The following ANAPC10 variants were observed in gnomAD, a reference collection of about 807,000 sequenced individuals.
The protein encoded by ANAPC10 is anaphase-promoting complex subunit 10.
A neutral mutation model predicts 22.0 loss-of-function variants in ANAPC10; 12 were observed. The observed-to-expected ratio is 0.55, with a 90% CI of 0.35 to 0.88. The LOEUF (loss-of-function observed/expected upper bound fraction) is 0.88, where lower values mean the gene tolerates loss of function less well. ANAPC10 is among the 40% of genes least tolerant of loss of function. The pLI is 0.01. For missense variants in ANAPC10, 188 were observed against 220.9 expected (o/e 0.85, Z 0.94); for synonymous variants, 65 against 69.5 (o/e 0.94, Z 0.32).
intron 4 of ANAPC10, among the ~76,000 whole-genome samples, chr4:145,014,985 A>G (rs1734879847): frequency 6.6e-6 from 1 of 152,262 alleles, no homozygotes; most frequent in Non-Finnish European, 1.5e-5. Context: ...TGCAAATGAG[A>G]AAGAACCAGA....
Position 144,995,141 on chromosome 4 carries a change from G to T in ANAPC10, c.*232C>A. 3.4e-6 allele frequency: 1 copy of T among 294,728 alleles called. No homozygotes were observed. Among genetic ancestry groups the T allele is most frequent in the Non-Finnish European group, 6.2e-6 (1 of 160,404 alleles). The allele number at this position is 294,728 out of a possible 1,614,324, so 18.3% of individuals were successfully genotyped here. On this transcript the variant is annotated 3_prime_UTR_variant, in exon 5 of 5. Transcript: ENST00000507656. ...CTTTTGATACAAGGGAAAATAAAATGATTGGCTTCAAATCCATTTTTAGTA... is the reference window on the plus strand; with the variant it reads ...CTTTTGATACAAGGGAAAATAAAATTATTGGCTTCAAATCCATTTTTAGTA...
chr4:145,092,372 C>T (rs953022179), intron 2 of ANAPC10, among the ~76,000 whole-genome samples: 1 of 151,976 alleles, frequency 6.6e-6, no homozygotes, highest in African/African-American at 2.4e-5. Flanking sequence ...ACAGAAAAAG[C>T]TGGATAAACT....
chr4:145,013,717 G>A (rs1440696251), intron 4 of ANAPC10, among the ~76,000 whole-genome samples: 4 of 151,962 alleles, frequency 2.6e-5, no homozygotes, highest in African/African-American at 9.7e-5. Context: ...TGAAAAAAGC[G>A]GTCTGCTCCT....
intron 4 of ANAPC10, among the ~76,000 whole-genome samples, chr4:145,039,815 C>T (rs1579002470): frequency 6.6e-6 from 1 of 152,154 alleles, no homozygotes; most frequent in African/African-American, 2.4e-5. Flanking sequence ...AGGATGGTCT[C>T]GATCTCTTGA....
intron 3 of ANAPC10, among the ~76,000 whole-genome samples, chr4:145,067,148 T>C (rs1021589334): frequency 2.0e-5 from 3 of 152,182 alleles, no homozygotes; most frequent in East Asian, 3.8e-4. Flanking sequence ...TTTATCAATT[T>C]TATCTCATGA....
intron 3 of ANAPC10, among the ~76,000 whole-genome samples, chr4:145,077,115 C>T (rs1252477093): frequency 5.9e-5 from 9 of 152,070 alleles, no homozygotes; most frequent in East Asian, 1.9e-4. Flanking sequence ...AGGAGAATGG[C>T]GTGAAACCGG....
At chr4:144,995,675 TAATAA>T in intron 4 of ANAPC10, 72 bp from the exon 5 acceptor site, 1 of 974,756 alleles carries the variant, frequency 1.0e-6, no homozygotes, top group Non-Finnish European at 1.5e-6. Flanking sequence ...ATGCATTCTA[TAATAA>T]AATAACTTAT....
At chr4:145,071,156 C>T (rs1375731747) in intron 3 of ANAPC10, among the ~76,000 whole-genome samples, 2 of 152,126 alleles carry the variant, frequency 1.3e-5, no homozygotes, top group East Asian at 3.9e-4. Flanking sequence ...CCTGCAATCC[C>T]AACACTTTGG....
chr4:145,039,802 G>A (rs945146509), intron 4 of ANAPC10, among the ~76,000 whole-genome samples: 1 of 151,982 alleles, frequency 6.6e-6, no homozygotes, highest in Non-Finnish European at 1.5e-5. Context: ...CACCATGTTG[G>A]CCAGGATGGT....
chr4:145,021,769 C>A (rs528311244), intron 4 of ANAPC10, among the ~76,000 whole-genome samples: 1 of 152,268 alleles, frequency 6.6e-6, no homozygotes, highest in Non-Finnish European at 1.5e-5. Context: ...ACAATCTATA[C>A]ATCTGAAAAT....
At chr4:145,007,768 T>G (rs1184644324) in intron 4 of ANAPC10, among the ~76,000 whole-genome samples, 1 of 149,784 alleles carries the variant, frequency 6.7e-6, no homozygotes, top group East Asian at 2.0e-4. Flanking sequence ...TTAAAAGAAC[T>G]AGAGAAGCAA....
At position 145,051,282 on chromosome 4, in the gene ANAPC10, C is replaced by T. The variant is rs114924850; in HGVS notation, c.327+13290G>A. Reference sequence around the variant, plus strand: ...GCCAGTTGGTGGAGTAGTCAGAACACAATATTTACCAATTAAGTTTGCTAT... The same window carrying T: ...GCCAGTTGGTGGAGTAGTCAGAACATAATATTTACCAATTAAGTTTGCTAT... On this transcript the variant is annotated intron_variant, in intron 4 of 4. Transcript: ENST00000507656. Among the ~76,000 whole-genome samples, 724 of 152,236 alleles carry T rather than the reference C, an allele frequency of 4.8e-3. 9 individuals are homozygous for T. Among genetic ancestry groups the T allele is most frequent in the African/African-American group, 0.017 (690 of 41,548 alleles).
chr4:145,085,857 AT>A (rs958796322), intron 2 of ANAPC10, among the ~76,000 whole-genome samples: 10 of 149,496 alleles, frequency 6.7e-5, no homozygotes, highest in African/African-American at 1.5e-4. Flanking sequence ...TTGTATTTGA[AT>A]TTTTTTTCTT....
intron 4 of ANAPC10, among the ~76,000 whole-genome samples, chr4:145,010,335 A>C (rs1443433003): frequency 6.6e-6 from 1 of 152,182 alleles, no homozygotes; most frequent in African/African-American, 2.4e-5. Context: ...ATATACCCAA[A>C]GGATTATAAA....
chr4:145,043,493 T>C (rs958831315), intron 4 of ANAPC10, among the ~76,000 whole-genome samples: 2 of 152,150 alleles, frequency 1.3e-5, no homozygotes, highest in South Asian at 4.1e-4. Flanking sequence ...ATACATTATA[T>C]GGTAGCATAA....
At chr4:145,081,618 A>G (rs745895930) in intron 3 of ANAPC10, 42 bp downstream of exon 3, 1 of 1,251,198 alleles carries the variant, frequency 8.0e-7, no homozygotes, top group South Asian at 1.3e-5. Context: ...TTATTTGTCT[A>G]TAACCTACAG....
chr4:145,034,344 G>C (rs1578980117), intron 4 of ANAPC10, among the ~76,000 whole-genome samples: 1 of 151,800 alleles, frequency 6.6e-6, no homozygotes, highest in African/African-American at 2.4e-5. Context: ...GAAAAGGAGA[G>C]ATGGGCCTAG....
intron 4 of ANAPC10, among the ~76,000 whole-genome samples, chr4:145,059,203 C>T (rs1326192293): frequency 1.3e-5 from 2 of 152,098 alleles, no homozygotes; most frequent in Non-Finnish European, 2.9e-5. Context: ...TCTGCATCTT[C>T]TTACTCTATC....
At chr4:145,009,093 A>G (rs1297252095) in intron 4 of ANAPC10, among the ~76,000 whole-genome samples, 1 of 152,166 alleles carries the variant, frequency 6.6e-6, no homozygotes, top group African/African-American at 2.4e-5. Flanking sequence ...CAACTGCTAC[A>G]AAGAAAATAA....
Sources: gnomAD v4.1 joint callset for allele counts (sites outside exome capture counted in the v4.1 genomes callset) on GRCh38, gnomAD v4.1.1 for gene constraint, MANE v1.5 for transcripts, NCBI Gene and HGNC (gene_info 2026-07-23, HGNC 2026-07-21) for gene names.